Variants in PCSK2 observed in about 807,000 individuals in gnomAD.
PCSK2 encodes proprotein convertase subtilisin/kexin type 2.
Under a neutral mutation model 69.7 loss-of-function variants are expected in PCSK2, and 14 were observed. The observed-to-expected ratio is 0.20, with a 90% CI of 0.13 to 0.31. The LOEUF (loss-of-function observed/expected upper bound fraction) is 0.31. Among genes scored for constraint, PCSK2 ranks in the 10% least tolerant of loss-of-function variants. PCSK2 has a pLI of 1.00. For synonymous variants in PCSK2, 307 were observed against 320.7 expected (o/e 0.96, Z 0.46); for missense variants, 544 against 842.5 (o/e 0.65, Z 4.39).
chr20:17,429,724 A>G (rs1186727230), intron 7 of PCSK2, among the ~76,000 whole-genome samples: 1 of 152,224 alleles, frequency 6.6e-6, no homozygotes, highest in Non-Finnish European at 1.5e-5. Context: ...TATAAATTCA[A>G]AAAAGTTAAC....
At chr20:17,364,589 C>T (rs948143986) in intron 4 of PCSK2, among the ~76,000 whole-genome samples, 2 of 152,200 alleles carry the variant, frequency 1.3e-5, no homozygotes, top group Non-Finnish European at 2.9e-5. Context: ...TTCACTACCA[C>T]GAAAACAGTA....
At chr20:17,298,437 A>C (rs979343431) in intron 2 of PCSK2, among the ~76,000 whole-genome samples, 2 of 152,176 alleles carry the variant, frequency 1.3e-5, no homozygotes, top group African/African-American at 4.8e-5. Flanking sequence ...ACTGGCATCT[A>C]GTGGGAAAAG....
chr20:17,324,176 G>A (rs528686134), intron 2 of PCSK2, among the ~76,000 whole-genome samples: 38 of 152,244 alleles, frequency 2.5e-4, no homozygotes, highest in Admixed American at 8.5e-4. Context: ...CCCCATTGTT[G>A]CTTTTTGGGA....
intron 2 of PCSK2, among the ~76,000 whole-genome samples, chr20:17,309,823 G>GAGA (rs71192373): frequency 0.34 from 49,881 of 147,156 alleles, 8,902 homozygotes; most frequent in East Asian, 0.56. Context: ...ATCAAAAGGA[G>GAGA]AGAAGAAGAA....
intron 2 of PCSK2, among the ~76,000 whole-genome samples, chr20:17,305,707 ATGTCTT>A (rs1185165471): frequency 6.6e-6 from 1 of 152,214 alleles, no homozygotes; most frequent in Non-Finnish European, 1.5e-5. Flanking sequence ...ACACAGAAAA[ATGTCTT>A]ATTTTCCTTA....
chr20:17,270,115 G>A (rs551758939), intron 2 of PCSK2, among the ~76,000 whole-genome samples: 13 of 152,066 alleles, frequency 8.5e-5, no homozygotes, highest in South Asian at 8.3e-4. Flanking sequence ...AGTTATAATC[G>A]TATGTCTATC....
chr20:17,466,903 T>G (rs2033112442), intron 11 of PCSK2, among the ~76,000 whole-genome samples: 2 of 152,214 alleles, frequency 1.3e-5, no homozygotes, highest in Admixed American at 1.3e-4. Context: ...GTGTCCAGTT[T>G]CTTTTTCTCA....
At chr20:17,305,078 G>A (rs1016916310) in intron 2 of PCSK2, among the ~76,000 whole-genome samples, 14 of 152,064 alleles carry the variant, frequency 9.2e-5, no homozygotes, top group South Asian at 6.2e-4. Flanking sequence ...GATTCAGTAC[G>A]TTCTAAGAGG....
chr20:17,328,438 T>G (rs562330959), intron 2 of PCSK2, among the ~76,000 whole-genome samples: 51 of 149,020 alleles, frequency 3.4e-4, no homozygotes, highest in African/African-American at 1.2e-3. Flanking sequence ...TAATTTTATA[T>G]ATTGTAGAAT....
chr20:17,415,984 G>A (rs547492272), intron 6 of PCSK2, among the ~76,000 whole-genome samples: 318 of 152,300 alleles, frequency 2.1e-3, no homozygotes, highest in Non-Finnish European at 2.2e-3. Flanking sequence ...GTAGAAAGCT[G>A]AAACTCGATC....
intron 8 of PCSK2, among the ~76,000 whole-genome samples, chr20:17,440,713 T>C (rs991875741): frequency 1.3e-5 from 2 of 152,010 alleles, no homozygotes; most frequent in Non-Finnish European, 2.9e-5. Flanking sequence ...ATACAAAAAA[T>C]TAGCCAGGTG....
At chr20:17,239,064 A>G (rs556569401) in intron 1 of PCSK2, among the ~76,000 whole-genome samples, 1 of 152,358 alleles carries the variant, frequency 6.6e-6, no homozygotes, top group African/African-American at 2.4e-5. Context: ...CATCCTATTT[A>G]GTGCCTGTGT....
In PCSK2 at chr20:17,330,841, T is replaced by C. The variant is rs533358378; in HGVS notation, c.283-27486T>C. Among the ~76,000 whole-genome samples, 33 of 152,120 alleles carry C rather than the reference T, an allele frequency of 2.2e-4. 1 individual carries two copies. Among genetic ancestry groups the C allele is most frequent in the South Asian group, 1.0e-3 (5 of 4,818 alleles). Reference sequence around the variant, plus strand: ...TCCCCTGTGGTTGTAAGATGGTTACTGCGGGTCCAGAGAGCACATCTTCCT... The same window carrying C: ...TCCCCTGTGGTTGTAAGATGGTTACCGCGGGTCCAGAGAGCACATCTTCCT... On this transcript the variant is annotated intron_variant, in intron 2 of 11. Coordinates refer to ENST00000262545, the MANE Select transcript of PCSK2 (RefSeq NM_002594.5).
chr20:17,437,992 C>G (rs8124943), intron 8 of PCSK2, among the ~76,000 whole-genome samples: 4 of 151,308 alleles, frequency 2.6e-5, no homozygotes, highest in East Asian at 3.9e-4. Context: ...AGTTCCCCCC[C>G]ACCCACACCG....
chr20:17,450,970 TC>T (rs1343263016), intron 8 of PCSK2, among the ~76,000 whole-genome samples: 1 of 151,908 alleles, frequency 6.6e-6, no homozygotes, highest in Non-Finnish European at 1.5e-5. Context: ...CTTATGGAGG[TC>T]CCTTCCCCAC....
intron 6 of PCSK2, 133 bp downstream of exon 6, chr20:17,409,472 T>C (rs1403966089): frequency 1.2e-5 from 8 of 648,236 alleles, no homozygotes; most frequent in Non-Finnish European, 2.2e-5. Flanking sequence ...ATTTTTCTTC[T>C]TAGTGGTTAC....
chr20:17,481,432 C>A, intron 11 of PCSK2, 152 bp from the exon 12 acceptor site: 1 of 483,818 alleles, frequency 2.1e-6, no homozygotes, highest in Non-Finnish European at 3.7e-6. Flanking sequence ...GTAACTTACT[C>A]AGGCTCACAC....
rs1304793530 is a variant in PCSK2 at position 17,244,145 on chromosome 20, A to T, written c.178-16095A>T. ...AATGATTCACCAAAGTAATACGTAT[A>T]TGTAGGAAAATAATTTTTTAAATGC... On this transcript the variant is annotated intron_variant, in intron 1 of 11. Coordinates refer to ENST00000262545, the MANE Select transcript of PCSK2 (RefSeq NM_002594.5). Among the ~76,000 whole-genome samples, 4 of 152,224 alleles carry T rather than the reference A, an allele frequency of 2.6e-5. No homozygotes were observed. The East Asian group carries it at 7.7e-4, about 29-fold the overall frequency.
rs7353514 is a variant in PCSK2 at position 17,482,085 on chromosome 20, C to G, written c.*15C>G. ...ACAAGAACTAGCGCTGCACATCCGC[C>G]TTTCCCACCGCCCTCCCTCCCCAGC... On this transcript the variant is annotated 3_prime_UTR_variant, in exon 12 of 12. Transcript: ENST00000262545. 25 of 1,537,744 alleles carry G rather than the reference C, an allele frequency of 1.6e-5. No individual in the cohort carries two copies. The East Asian group carries it at 5.7e-4, about 35-fold the overall frequency.
Sources: allele counts gnomAD v4.1 joint callset (sites outside exome capture counted in the v4.1 genomes callset), GRCh38; gene constraint gnomAD v4.1.1; transcripts MANE v1.5; gene names NCBI Gene and HGNC (gene_info 2026-07-23, HGNC 2026-07-21).